DLAT: variants seen among roughly 807,000 people sequenced by gnomAD.
DLAT encodes dihydrolipoamide S-acetyltransferase.
Under a neutral mutation model 68.0 loss-of-function variants are expected in DLAT, and 43 were observed. That is an observed-to-expected ratio of 0.63 (90% confidence interval 0.50 to 0.81). The LOEUF is 0.81. Ranked by LOEUF, DLAT falls within the 40% of genes least tolerant of loss-of-function variation. DLAT has a pLI of 0.00. For synonymous variants in DLAT, 265 were observed against 288.6 expected (o/e 0.92, Z 0.83); for missense variants, 745 against 815.4 (o/e 0.91, Z 1.05).
intron 13 of DLAT, among the ~76,000 whole-genome samples, chr11:112,062,115 C>T (rs1864670317): frequency 6.6e-6 from 1 of 152,076 alleles, no homozygotes; most frequent in African/African-American, 2.4e-5. Flanking sequence ...TGCAAATAAT[C>T]TGCCATTGTA....
intron 11 of DLAT, among the ~76,000 whole-genome samples, chr11:112,058,739 A>G (rs1864309664): frequency 1.3e-5 from 2 of 152,030 alleles, no homozygotes; most frequent in African/African-American, 4.8e-5. Context: ...ACCAATAAAA[A>G]TCAGTTATTT....
Position 112,028,881 on chromosome 11 carries a change from C to G in DLAT, c.596C>G (p.Ala199Gly), listed in dbSNP as rs1555179702. ...PQAAPAPTPAATASPPTPSAQ... is the reference protein window; with the variant it reads ...PQAAPAPTPAGTASPPTPSAQ... The stretch of plus-strand genomic sequence containing the variant: ...GCGGCCCCAGCACCAACCCCTGCTG[C>G]CACTGCTTCGCCACCTACACCTTCT... The change falls in exon 4 of 14, where the codon GCC becomes GGC. Residue 199 changes from alanine (A) to glycine (G), a missense_variant. By Grantham distance (60) the Ala-to-Gly change is moderately conservative (BLOSUM62 0). Transcript: ENST00000280346. 6.2e-7 allele frequency: 1 copy of G among 1,614,190 alleles called. No individual in the cohort carries two copies. Among genetic ancestry groups the G allele is most frequent in the Non-Finnish European group, 8.5e-7 (1 of 1,180,022 alleles).
chr11:112,037,563 T>A, intron 6 of DLAT, 103 bp downstream of exon 6: 5 of 1,101,242 alleles, frequency 4.5e-6, no homozygotes, highest in Non-Finnish European at 6.8e-6. Context: ...TCCAAGATTC[T>A]ATGACTGAGG....
intron 4 of DLAT, among the ~76,000 whole-genome samples, chr11:112,029,565 C>T (rs1309030424): frequency 6.6e-6 from 1 of 152,030 alleles, no homozygotes; most frequent in Non-Finnish European, 1.5e-5. Context: ...GGGCATGCAG[C>T]AAGCCATTCA....
At position 112,036,202 on chromosome 11, in the gene DLAT, T is replaced by TG. The variant is rs61074225; in HGVS notation, c.788-1071_788-1070insG. On this transcript the variant is annotated intron_variant, in intron 5 of 13. Transcript: ENST00000280346. ...GTGTGTGTGTGTGTGTGTGTGTGTG[T>TG]TTTTTTTTTTTTTTTTTTTTTTTTT... Among the ~76,000 whole-genome samples, 178 of 21,064 alleles carry TG rather than the reference T, an allele frequency of 8.5e-3. 3 individuals are homozygous for TG. Among genetic ancestry groups the TG allele is most frequent in the African/African-American group, 0.026 (145 of 5,682 alleles). The allele number at this position is 21,064 out of a possible 152,430, so 13.8% of individuals were successfully genotyped here.
chr11:112,045,388 C>T (rs1273750469), intron 9 of DLAT, among the ~76,000 whole-genome samples, 158 bp downstream of exon 9: 1 of 152,062 alleles, frequency 6.6e-6, no homozygotes, highest in African/African-American at 2.4e-5. Flanking sequence ...ACTTGAATCA[C>T]TTTGTTCCTA....
At chr11:112,027,807 G>C (rs587721811) in intron 2 of DLAT, among the ~76,000 whole-genome samples, 1 of 152,296 alleles carries the variant, frequency 6.6e-6, no homozygotes, top group South Asian at 2.1e-4. Context: ...GGCTGAGGCA[G>C]GAGAATCAGG....
chr11:112,058,955 T>C (rs1864329894), intron 11 of DLAT, among the ~76,000 whole-genome samples: 2 of 151,830 alleles, frequency 1.3e-5, no homozygotes, highest in African/African-American at 2.4e-5. Context: ...GTATTTTCAG[T>C]GTTAAAAAGG....
At position 112,037,396 on chromosome 11, in the gene DLAT, C is replaced by G. The variant is rs367776024; in HGVS notation, c.911C>G (p.Ala304Gly). The G allele has an allele frequency of 3.6e-5, 58 of 1,614,086 alleles. No homozygotes were observed. Among genetic ancestry groups the G allele is most frequent in the Non-Finnish European group, 4.8e-5 (57 of 1,180,042 alleles). Reference sequence around the variant, plus strand: ...AAAGAGGCAGATATATCAGCATTTGCTGACTATAGGCCAACCGAAGTAACA... The same window carrying G: ...AAAGAGGCAGATATATCAGCATTTGGTGACTATAGGCCAACCGAAGTAACA... ...VEKEADISAF[A>G]DYRPTEVTDL... The change falls in exon 6 of 14, where the codon GCT (alanine) becomes GGT (glycine). Residue 304 changes from alanine to glycine, a missense_variant. Coordinates refer to ENST00000280346, the MANE Select transcript of DLAT (RefSeq NM_001931.5).
At chr11:112,037,553 T>TC in intron 6 of DLAT, 93 bp downstream of exon 6, 1 of 1,227,422 alleles carries the variant, frequency 8.1e-7, no homozygotes, top group South Asian at 1.3e-5. Context: ...TCCTTCCACC[T>TC]CCAAGATTCT....
intron 10 of DLAT, among the ~76,000 whole-genome samples, chr11:112,046,517 C>T (rs1863327487): frequency 6.6e-6 from 1 of 151,140 alleles, no homozygotes; most frequent in Admixed American, 6.6e-5. Context: ...GCAGAACGTG[C>T]AGGTTTGTTA....
chr11:112,030,530 G>A (rs1335539502), intron 4 of DLAT, among the ~76,000 whole-genome samples: 1 of 152,196 alleles, frequency 6.6e-6, no homozygotes, highest in African/African-American at 2.4e-5. Flanking sequence ...AAGAGTGGGT[G>A]AAGTAGTCCA....
chr11:112,036,732 A>G (rs1555180554), intron 5 of DLAT: 1 of 153,088 alleles, frequency 6.5e-6, no homozygotes, highest in African/African-American at 2.4e-5. Context: ...AATTCTTTAC[A>G]TTGAAATACT....
At chr11:112,062,305 C>A in intron 13 of DLAT, 101 bp from the exon 14 acceptor site, 1 of 1,254,224 alleles carries the variant, frequency 8.0e-7, no homozygotes. Context: ...GGAAGTATTA[C>A]CTGGTTGGGA....
chr11:112,039,360 G>A lies in DLAT; in HGVS notation c.1092G>A (p.Leu364=). 6.2e-7 allele frequency: 1 copy of A among 1,613,990 alleles called. No homozygotes were observed. The highest frequency in any genetic ancestry group is 8.5e-7 in the Non-Finnish European group (1 of 1,179,992). ...TTGTTAGCCCTCTTGCAAAGAAGTT[G>A]GCAGTAGAGAAAGGGATTGATCTTA... ...RVFVSPLAKK[L]AVEKGIDLTQ... is the part of the protein sequence containing the mutation. Residue 364 remains leucine (L), a synonymous_variant, in exon 7 of 14, where the codon TTG becomes TTA. Transcript: ENST00000280346.
At chr11:112,045,069 C>T (rs1189983077) in intron 8 of DLAT, 69 bp from the exon 9 acceptor site, 4 of 1,168,086 alleles carry the variant, frequency 3.4e-6, no homozygotes, top group Non-Finnish European at 5.1e-6. Context: ...TAGTCACTGG[C>T]AGTCTTTCCC....
rs781833307 is a variant in DLAT, at chr11:112,061,022, AT to A, written c.1678-8del. The A allele has an allele frequency of 7.2e-5, 112 of 1,547,642 alleles. No homozygotes were observed. The highest frequency in any genetic ancestry group is 8.5e-5 in the Non-Finnish European group (97 of 1,143,010). On this transcript the variant is annotated splice_polypyrimidine_tract_variant and intron_variant, in intron 12 of 13. Transcript: ENST00000280346. Reference sequence around the variant, plus strand: ...GTTGACAAACTATAATTTATTTTTAATTTTTTTTCCTCTAGGGTGGCACTTT... The same window carrying A: ...GTTGACAAACTATAATTTATTTTTAATTTTTTTCCTCTAGGGTGGCACTTT...
At chr11:112,045,084 A>C in intron 8 of DLAT, 54 bp from the exon 9 acceptor site, 1 of 1,352,122 alleles carries the variant, frequency 7.4e-7, no homozygotes, top group African/African-American at 1.4e-5. Context: ...TTTCCCAGGT[A>C]CTTACGCTAA....
intron 11 of DLAT, among the ~76,000 whole-genome samples, chr11:112,056,429 G>C (rs1375177122): frequency 1.3e-5 from 2 of 152,136 alleles, no homozygotes; most frequent in Non-Finnish European, 2.9e-5. Context: ...TATAGAAATG[G>C]AGTCATAAAA....
Sources: allele counts gnomAD v4.1 joint callset (sites outside exome capture counted in the v4.1 genomes callset), GRCh38; gene constraint gnomAD v4.1.1; transcripts MANE v1.5; gene names NCBI Gene and HGNC (gene_info 2026-07-23, HGNC 2026-07-21).